Variants in PRKAR1B observed in about 807,000 individuals in gnomAD.
The protein encoded by PRKAR1B is cAMP-dependent protein kinase type I-beta regulatory subunit.
PRKAR1B carries 22 observed loss-of-function variants against 46.5 expected under a neutral mutation model. The observed-to-expected ratio is 0.47, with a 90% CI of 0.34 to 0.68. The LOEUF (loss-of-function observed/expected upper bound fraction) is 0.68, where lower values mean the gene tolerates loss of function less well. Among genes scored for constraint, PRKAR1B ranks in the 30% least tolerant of loss-of-function variants. The probability of loss-of-function intolerance (pLI) is 0.01; values close to 1 mark genes in which losing one functional copy is unlikely to be tolerated. For synonymous variants in PRKAR1B, 259 were observed against 217.7 expected (o/e 1.19, Z -1.67); for missense variants, 445 against 535.6 (o/e 0.83, Z 1.67).
intron 1 of PRKAR1B, among the ~76,000 whole-genome samples, chr7:722,274 G>T (rs1781101964): frequency 6.6e-6 from 1 of 151,912 alleles, no homozygotes; most frequent in South Asian, 2.1e-4. Flanking sequence ...GCTAATTTTT[G>T]TATTTTTAGT....
chr7:553,359 GCT>G (rs937277043), intron 9 of PRKAR1B, among the ~76,000 whole-genome samples: 185 of 152,332 alleles, frequency 1.2e-3, no homozygotes, highest in African/African-American at 4.2e-3. Context: ...ACTCTGAGCA[GCT>G]CTCTCTGCAC....
intron 4 of PRKAR1B, among the ~76,000 whole-genome samples, chr7:620,078 T>G (rs1288461761): frequency 6.7e-6 from 1 of 149,848 alleles, no homozygotes; most frequent in Non-Finnish European, 1.5e-5. Flanking sequence ...GGTCTCAAAC[T>G]CCTGGGCTCA....
Position 667,342 on chromosome 7 carries a change from G to A in PRKAR1B, c.440+9887C>T, listed in dbSNP as rs1238606463. Among the ~76,000 whole-genome samples, 1 of 152,206 alleles carries A rather than the reference G, an allele frequency of 6.6e-6. No homozygotes were observed. The highest frequency in any genetic ancestry group is 1.5e-5 in the Non-Finnish European group (1 of 68,042). ...TCTTCATTTGACACCTGAGGAAACT[G>A]AGGCTCAGAGAATGTTATTACTTAT... On this transcript the variant is annotated intron_variant, in intron 4 of 10. Coordinates refer to ENST00000537384, the MANE Select transcript of PRKAR1B (RefSeq NM_001164760.2). The surrounding 1 kb of genome is among the most constrained non-coding windows in gnomAD (Gnocchi z 4.3).
chr7:557,731 A>G (rs1427661784), intron 9 of PRKAR1B, among the ~76,000 whole-genome samples: 1 of 152,190 alleles, frequency 6.6e-6, no homozygotes, highest in Non-Finnish European at 1.5e-5. Context: ...ACCTCTGGAA[A>G]TAGACACTCC....
At chr7:577,094 C>T in intron 9 of PRKAR1B, among the ~76,000 whole-genome samples, 1 of 152,036 alleles carries the variant, frequency 6.6e-6, no homozygotes, top group East Asian at 1.9e-4. Flanking sequence ...TCATCCAACT[C>T]CATCAACGGC....
intron 1 of PRKAR1B, chr7:726,956 C>T: frequency 3.0e-6 from 4 of 1,328,338 alleles, no homozygotes; most frequent in Non-Finnish European, 3.9e-6. Flanking sequence ...CTACTGCTGC[C>T]GCGCTTGCTG....
At chr7:553,198 A>G (rs1291774620) in intron 9 of PRKAR1B, among the ~76,000 whole-genome samples, 1 of 152,234 alleles carries the variant, frequency 6.6e-6, no homozygotes, top group Non-Finnish European at 1.5e-5. Context: ...CGCTGACACT[A>G]GAGCCGCTGG....
intron 9 of PRKAR1B, among the ~76,000 whole-genome samples, chr7:559,555 C>A (rs1212432917): frequency 1.3e-5 from 2 of 152,316 alleles, no homozygotes; most frequent in Non-Finnish European, 2.9e-5. Context: ...CACCGGAGCC[C>A]AGGCCCGCTG....
At chr7:628,372 T>C (rs1245426619) in intron 4 of PRKAR1B, among the ~76,000 whole-genome samples, 2 of 152,162 alleles carry the variant, frequency 1.3e-5, no homozygotes, top group African/African-American at 4.8e-5. Flanking sequence ...AGCCAAGGCA[T>C]GCTTAGGTCA....
intron 6 of PRKAR1B, among the ~76,000 whole-genome samples, chr7:600,479 C>T (rs538211892): frequency 2.6e-5 from 4 of 152,184 alleles, no homozygotes; most frequent in Non-Finnish European, 4.4e-5. Context: ...GGCGACAGAG[C>T]GAGACCCCAT....
At chr7:599,149 A>G (rs1381629954) in intron 6 of PRKAR1B, among the ~76,000 whole-genome samples, 1 of 152,140 alleles carries the variant, frequency 6.6e-6, no homozygotes, top group Non-Finnish European at 1.5e-5. Flanking sequence ...ACAGACGGCC[A>G]GGGCCACACT....
At chr7:586,252 C>A (rs28472598) in intron 7 of PRKAR1B, among the ~76,000 whole-genome samples, 1 of 152,208 alleles carries the variant, frequency 6.6e-6, no homozygotes, top group African/African-American at 2.4e-5. Context: ...TGGAGGCAGC[C>A]GGCCCCCAAT....
At chr7:568,276 T>C (rs776559489) in intron 9 of PRKAR1B, among the ~76,000 whole-genome samples, 1 of 152,144 alleles carries the variant, frequency 6.6e-6, no homozygotes, top group Non-Finnish European at 1.5e-5. Flanking sequence ...GTAGGTGACC[T>C]TGTGTCCTGC....
At chr7:583,906 G>C (rs971196380) in intron 8 of PRKAR1B, among the ~76,000 whole-genome samples, 1 of 152,234 alleles carries the variant, frequency 6.6e-6, no homozygotes, top group African/African-American at 2.4e-5. Context: ...CACTGGCCCA[G>C]CTGGCGCCAT....
chr7:698,448 ACGTGTG>A (rs1485733483), intron 2 of PRKAR1B, among the ~76,000 whole-genome samples: 2 of 151,644 alleles, frequency 1.3e-5, no homozygotes, highest in Non-Finnish European at 2.9e-5. Flanking sequence ...CTAGGTAAGT[ACGTGTG>A]CGTGTGTGCA....
At chr7:688,691 G>C (rs1036533407) in intron 2 of PRKAR1B, among the ~76,000 whole-genome samples, 4 of 152,072 alleles carry the variant, frequency 2.6e-5, no homozygotes, top group Non-Finnish European at 5.9e-5. Context: ...GACCTTCTCA[G>C]TGCAGGAAAA....
intron 9 of PRKAR1B, among the ~76,000 whole-genome samples, chr7:554,296 G>A (rs189606505): frequency 2.0e-5 from 3 of 152,386 alleles, no homozygotes; most frequent in East Asian, 3.9e-4. Context: ...CCAAGCCCCC[G>A]CACAGGAGAG....
chr7:564,212 CT>C (rs1562521902), intron 9 of PRKAR1B, among the ~76,000 whole-genome samples: 1 of 152,200 alleles, frequency 6.6e-6, no homozygotes, highest in African/African-American at 2.4e-5. Context: ...CTGGACACCC[CT>C]GTGGGAACCT....
chr7:603,247 T>C (rs111980402), intron 6 of PRKAR1B: 11,528 of 152,312 alleles, frequency 0.076, 523 homozygotes, highest in African/African-American at 0.086. Flanking sequence ...TGGGGACCTA[T>C]GGAGCTCCCA....
Sources: gnomAD v4.1 joint callset for allele counts (sites outside exome capture counted in the v4.1 genomes callset) on GRCh38, gnomAD v4.1.1 for gene constraint, Gnocchi (gnomAD v3.1) non-coding constraint, MANE v1.5 for transcripts, NCBI Gene and HGNC (gene_info 2026-07-23, HGNC 2026-07-21) for gene names.